The following FARP2 variants were observed in gnomAD, a reference collection of about 807,000 sequenced individuals.
The protein encoded by FARP2 is FERM, ARHGEF and pleckstrin domain-containing protein 2.
Under a neutral mutation model 130.5 loss-of-function variants are expected in FARP2, and 111 were observed. The observed-to-expected ratio is 0.85, with a 90% confidence interval of 0.73 to 1.00. The LOEUF is 1.00. FARP2 is among the 50% of genes least tolerant of loss of function. The pLI is 0.00. For missense variants in FARP2, 1,385 were observed against 1,346.3 expected (o/e 1.03, Z -0.45); for synonymous variants, 504 against 516.9 (o/e 0.98, Z 0.34).
chr2:241,453,417 T>C (rs548805086), intron 13 of FARP2, among the ~76,000 whole-genome samples: 19 of 151,894 alleles, frequency 1.3e-4, no homozygotes, highest in African/African-American at 3.9e-4. Flanking sequence ...GGTCAGGAGA[T>C]CGAGACCATC....
At chr2:241,407,754 C>G (rs1488007315) in intron 5 of FARP2, 139 bp downstream of exon 5, 1 of 620,904 alleles carries the variant, frequency 1.6e-6, no homozygotes, top group East Asian at 2.8e-5. Flanking sequence ...GAGTGGTTAA[C>G]AGAAGCATGT....
chr2:241,428,940 C>T (rs1398576852), intron 8 of FARP2, among the ~76,000 whole-genome samples: 1 of 152,124 alleles, frequency 6.6e-6, no homozygotes, highest in Admixed American at 6.6e-5. Flanking sequence ...TTCCTTGTTT[C>T]CAGGTTCACT....
At chr2:241,416,004 TG>T (rs2062655504) in intron 7 of FARP2, among the ~76,000 whole-genome samples, 1 of 96,204 alleles carries the variant, frequency 1.0e-5, no homozygotes, top group Non-Finnish European at 2.6e-5. Context: ...TGTGTGTGTG[TG>T]TGTGTGTGTG....
intron 19 of FARP2, among the ~76,000 whole-genome samples, chr2:241,479,246 G>A (rs2064554032): frequency 6.6e-6 from 1 of 152,170 alleles, no homozygotes; most frequent in Non-Finnish European, 1.5e-5. Context: ...AGAGACTGAG[G>A]CAGATGCTCC....
At chr2:241,373,961 T>G (rs1252283906) in intron 2 of FARP2, among the ~76,000 whole-genome samples, 2 of 152,160 alleles carry the variant, frequency 1.3e-5, no homozygotes, top group African/African-American at 4.8e-5. Flanking sequence ...AGAAAACATT[T>G]TTTTGTTTTT....
At chr2:241,414,838 A>G (rs1053331862) in intron 7 of FARP2, among the ~76,000 whole-genome samples, 4 of 152,190 alleles carry the variant, frequency 2.6e-5, no homozygotes, top group African/African-American at 9.6e-5. Flanking sequence ...TAGGCGGACA[A>G]AGCCAGGGAG....
In FARP2 at chr2:241,403,721, G is replaced by A. The variant is rs375185414; in HGVS notation, c.184-107G>A. 480 of 604,244 alleles carry A rather than the reference G, an allele frequency of 7.9e-4. 4 individuals carry two copies. In the South Asian group the frequency reaches 0.012, roughly 15 times the overall value. The allele number at this position is 604,244 out of a possible 1,614,324, so 37.4% of individuals were successfully genotyped here. On this transcript the variant is annotated intron_variant, in intron 2 of 26. Coordinates refer to ENST00000264042, the MANE Select transcript of FARP2 (RefSeq NM_014808.4). ...TATAAATCTTAGTTATACACTGGAA[G>A]ACAAAGTGATTTTATGTGTGGGAAA...
chr2:241,389,978 C>G (rs955557588), intron 2 of FARP2, among the ~76,000 whole-genome samples: 1 of 152,150 alleles, frequency 6.6e-6, no homozygotes, highest in Non-Finnish European at 1.5e-5. Flanking sequence ...TGGTCTATCA[C>G]CTCTGCTCTT....
intron 2 of FARP2, among the ~76,000 whole-genome samples, chr2:241,403,286 C>T (rs1467887586): frequency 6.6e-6 from 1 of 152,062 alleles, no homozygotes; most frequent in Admixed American, 6.6e-5. Flanking sequence ...ACGATCATGG[C>T]TCACTGCAGC....
chr2:241,472,283 G>A (rs997556075), intron 18 of FARP2, among the ~76,000 whole-genome samples: 3 of 150,988 alleles, frequency 2.0e-5, no homozygotes, highest in African/African-American at 7.3e-5. Flanking sequence ...CTGTTCTGTG[G>A]TGATCCTGTT....
rs1015852675 is a variant in FARP2, at chr2:241,463,099, T to G, written c.1678-236T>G. On this transcript the variant is annotated intron_variant, in intron 15 of 26. Coordinates refer to ENST00000264042, the MANE Select transcript of FARP2 (RefSeq NM_014808.4). Reference sequence around the variant, plus strand: ...TCAGAACATTGGGTCCAAGTTTTTGTGAAGCTATAAAGCTGCAAAGTGTCC... The same window carrying G: ...TCAGAACATTGGGTCCAAGTTTTTGGGAAGCTATAAAGCTGCAAAGTGTCC... 2.6e-5 allele frequency among the ~76,000 whole-genome samples: 4 copies of G among 152,244 alleles called. No homozygotes were observed. In the South Asian group the frequency reaches 8.3e-4, roughly 31 times the overall value.
rs527871512 is a variant in FARP2, at chr2:241,483,403, G to A, written c.2263-62G>A. ...CAAGGCTATTCCTGACCCTCAGCCC[G>A]GCTAGTGCATCCGCCAGCTGCCCTC... On this transcript the variant is annotated intron_variant, in intron 19 of 26. Transcript: ENST00000264042. The A allele has an allele frequency of 4.1e-4, 573 of 1,409,270 alleles. 1 individual carries two copies. The highest frequency in any genetic ancestry group is 4.9e-4 in the Non-Finnish European group (485 of 994,052). The allele number at this position is 1,409,270 out of a possible 1,614,324, so 87.3% of individuals were successfully genotyped here.
At chr2:241,429,054 C>T (rs2063028255) in intron 8 of FARP2, among the ~76,000 whole-genome samples, 1 of 152,198 alleles carries the variant, frequency 6.6e-6, no homozygotes. Flanking sequence ...CTTGCTGCCT[C>T]TTACACTGAG....
At chr2:241,471,667 T>A (rs1171347880) in intron 18 of FARP2, among the ~76,000 whole-genome samples, 1 of 151,812 alleles carries the variant, frequency 6.6e-6, no homozygotes, top group South Asian at 2.1e-4. Flanking sequence ...CTAATTTTTT[T>A]TGTATTTTTA....
Position 241,456,793 on chromosome 2 carries a change from C to G in FARP2, c.1458C>G (p.Ser486Arg). The G allele has an allele frequency of 6.2e-7, 1 of 1,614,070 alleles. No homozygotes were observed. Among genetic ancestry groups the G allele is most frequent in the Non-Finnish European group, 8.5e-7 (1 of 1,179,960 alleles). ...AGCCTTCTCCCTCCAGCCGGAAGAG[C>G]CCCCTGAGTCTGAGCCCTGCATTTC... ...SPQPSPSSRK[S>R]PLSLSPAFQV... The change falls in exon 14 of 27, where the codon AGC becomes AGG. Residue 486 changes from serine (S) to arginine (R), a missense_variant. Transcript: ENST00000264042.
chr2:241,461,871 G>T (rs2064028874), intron 14 of FARP2, among the ~76,000 whole-genome samples: 1 of 152,234 alleles, frequency 6.6e-6, no homozygotes, highest in Admixed American at 6.5e-5. Flanking sequence ...GAGAGGCCCT[G>T]CAGGGACAGG....
chr2:241,441,557 G>A lies in FARP2; in HGVS notation c.1411+1G>A. ...CCCCCCGCACTCCAGCCTGGTCCAG[G>A]TGTCGGGTTTTGTCATGTCGTGAGC... On this transcript the variant is annotated splice_donor_variant, in intron 13 of 26. Transcript: ENST00000264042. LOFTEE classifies it high-confidence loss of function. 1 of 1,614,044 alleles carries A rather than the reference G, an allele frequency of 6.2e-7. No individual in the cohort carries two copies. The highest frequency in any genetic ancestry group is 8.5e-7 in the Non-Finnish European group (1 of 1,180,052).
At chr2:241,462,275 A>G (rs1156321645) in intron 14 of FARP2, among the ~76,000 whole-genome samples, 1 of 152,266 alleles carries the variant, frequency 6.6e-6, no homozygotes, top group Non-Finnish European at 1.5e-5. Flanking sequence ...TGATTTTATC[A>G]CAAAACCAAT....
At chr2:241,429,469 G>A (rs2063038666) in intron 8 of FARP2, among the ~76,000 whole-genome samples, 1 of 152,182 alleles carries the variant, frequency 6.6e-6, no homozygotes, top group Admixed American at 6.5e-5. Context: ...CACTGCCTAG[G>A]TGAGAAACTC....
Sources: gnomAD v4.1 joint callset for allele counts (sites outside exome capture counted in the v4.1 genomes callset) on GRCh38, gnomAD v4.1.1 for gene constraint, MANE v1.5 for transcripts, NCBI Gene and HGNC (gene_info 2026-07-23, HGNC 2026-07-21) for gene names.